Variants in MYO9A observed in about 807,000 individuals in gnomAD.
The protein encoded by MYO9A is unconventional myosin-IXa.
In MYO9A, 103 loss-of-function variants were observed where a neutral mutation model predicts 293.3. The observed-to-expected ratio is 0.35, with a 90% CI of 0.30 to 0.41. The LOEUF (loss-of-function observed/expected upper bound fraction) is 0.41. Among genes scored for constraint, MYO9A ranks in the 10% least tolerant of loss-of-function variants. The pLI, the probability that MYO9A is intolerant of heterozygous loss-of-function variation, is 1.00. For missense variants in MYO9A, 2,685 were observed against 3,033.0 expected, an observed-to-expected ratio of 0.89 and a Z score of 2.69; for synonymous variants, 1,001 against 1,035.7, an observed-to-expected ratio of 0.97 and a Z score of 0.64.
At chr15:72,028,845 TG>T in intron 3 of MYO9A, among the ~76,000 whole-genome samples, 1 of 152,202 alleles carries the variant, frequency 6.6e-6, no homozygotes. Context: ...TATTATATAA[TG>T]ATTTACTCTA....
chr15:72,116,717 C>T (rs960238648), intron 1 of MYO9A: 9 of 152,042 alleles, frequency 5.9e-5, no homozygotes, highest in Non-Finnish European at 1.0e-4. Flanking sequence ...TGAAGTAATA[C>T]TACAAGACGA....
At chr15:71,882,307 A>G (rs891496822) in intron 28 of MYO9A, among the ~76,000 whole-genome samples, 1 of 152,220 alleles carries the variant, frequency 6.6e-6, no homozygotes, top group Admixed American at 6.5e-5. Flanking sequence ...TAGTAGCTAA[A>G]AACTCTCAGG....
chr15:71,906,653 T>TAA (rs2057650798), intron 19 of MYO9A, among the ~76,000 whole-genome samples: 3 of 152,002 alleles, frequency 2.0e-5, no homozygotes, highest in Admixed American at 6.6e-5. Flanking sequence ...TGGTTTATTT[T>TAA]TTTTCATTTT....
chr15:72,055,553 C>T (rs916026495), intron 1 of MYO9A, among the ~76,000 whole-genome samples: 6 of 152,056 alleles, frequency 3.9e-5, no homozygotes, highest in African/African-American at 1.4e-4. Context: ...AGAAAATCTT[C>T]ACAATGTGTA....
chr15:72,109,562 C>T (rs2043011664), intron 1 of MYO9A, among the ~76,000 whole-genome samples: 1 of 151,938 alleles, frequency 6.6e-6, no homozygotes, highest in Non-Finnish European at 1.5e-5. Flanking sequence ...AGAAAGAGAA[C>T]TAAAAGAAAA....
intron 15 of MYO9A, among the ~76,000 whole-genome samples, chr15:71,945,830 A>G (rs2058902582): frequency 6.6e-6 from 1 of 152,186 alleles, no homozygotes; most frequent in South Asian, 2.1e-4. Context: ...AAAGTATTCA[A>G]TCTTTCACTA....
chr15:71,876,148 ATTT>A (rs398039451), intron 31 of MYO9A, among the ~76,000 whole-genome samples: 2 of 144,210 alleles, frequency 1.4e-5, no homozygotes, highest in African/African-American at 2.5e-5. Context: ...TCATTAATTG[ATTT>A]TTTTTTTTTT....
intron 35 of MYO9A, among the ~76,000 whole-genome samples, chr15:71,853,258 G>A (rs1163297055): frequency 1.3e-5 from 2 of 152,186 alleles, no homozygotes; most frequent in South Asian, 2.1e-4. Flanking sequence ...ATGAAAAAAC[G>A]CATACAGGAC....
At chr15:72,091,643 GC>G (rs1262802848) in intron 1 of MYO9A, among the ~76,000 whole-genome samples, 2 of 151,794 alleles carry the variant, frequency 1.3e-5, no homozygotes, top group African/African-American at 4.8e-5. Context: ...CAATAACATG[GC>G]CAATTACACA....
chr15:72,014,731 G>A (rs1264657708), intron 6 of MYO9A, among the ~76,000 whole-genome samples: 2 of 139,358 alleles, frequency 1.4e-5, no homozygotes, highest in East Asian at 4.0e-4. Flanking sequence ...GAAGAGAAGA[G>A]AGAGAGAGAG....
At chr15:72,008,457 G>A (rs2077079132) in intron 7 of MYO9A, among the ~76,000 whole-genome samples, 1 of 150,608 alleles carries the variant, frequency 6.6e-6, no homozygotes, top group Admixed American at 6.6e-5. Context: ...GTGTGTGTGT[G>A]TGTGTGTGTG....
Position 72,100,870 on chromosome 15 carries a change from G to T in MYO9A, c.-72+16810C>A, listed in dbSNP as rs531949580. On this transcript the variant is annotated intron_variant, in intron 1 of 41. Transcript: ENST00000356056. ...CAGCCGCCCCGTCCGGGAGGGAGGTGGGGGGGGTCAGCCCCCCGCCGGCCA... is the reference window on the plus strand; with the variant it reads ...CAGCCGCCCCGTCCGGGAGGGAGGTTGGGGGGGTCAGCCCCCCGCCGGCCA... Among the ~76,000 whole-genome samples, 508 of 133,478 alleles carry T rather than the reference G, an allele frequency of 3.8e-3. 3 individuals are homozygous for T. Among genetic ancestry groups the T allele is most frequent in the South Asian group, 0.013 (53 of 3,998 alleles). 87.6% of individuals were successfully genotyped at this position (133,478 alleles called of 152,430 possible). A position where few individuals can be genotyped will look rare whatever the true frequency, so the allele number is the denominator to read the frequency against.
intron 37 of MYO9A, among the ~76,000 whole-genome samples, chr15:71,850,745 G>A (rs1273386488): frequency 2.7e-5 from 3 of 112,696 alleles, no homozygotes; most frequent in African/African-American, 9.9e-5. Flanking sequence ...CGGCCTGGGT[G>A]ACAGACTGAA....
intron 1 of MYO9A, among the ~76,000 whole-genome samples, chr15:72,105,603 G>A (rs1000644454): frequency 1.3e-4 from 19 of 150,364 alleles, no homozygotes; most frequent in African/African-American, 4.4e-4. Flanking sequence ...CGCCTCCCAG[G>A]TTGAAGCGAT....
At chr15:72,044,403 CAA>C (rs111300290) in intron 2 of MYO9A, among the ~76,000 whole-genome samples, 19 of 101,526 alleles carry the variant, frequency 1.9e-4, no homozygotes, top group Admixed American at 3.1e-4. Context: ...AAAATTGTCT[CAA>C]AAAAAAAAAA....
chr15:71,905,823 A>G (rs1259372089), intron 19 of MYO9A, among the ~76,000 whole-genome samples: 2 of 147,548 alleles, frequency 1.4e-5, no homozygotes, highest in African/African-American at 4.9e-5. Flanking sequence ...TTTTGGTGTC[A>G]GTGTTTTGTC....
chr15:72,011,389 C>A lies in MYO9A; in HGVS notation c.1156-942G>T, dbSNP rs567022692. 4.6e-5 allele frequency among the ~76,000 whole-genome samples: 7 copies of A among 151,428 alleles called. No individual in the cohort carries two copies. In the South Asian group the frequency reaches 1.5e-3, roughly 31 times the overall value. On this transcript the variant is annotated intron_variant, in intron 6 of 41. Transcript: ENST00000356056. ...ATGTAATTATTTCCTAATGAAATAA[C>A]AGACAACATGGTAATCAAACAAGGA... is the stretch of plus-strand genomic sequence containing the variant.
intron 26 of MYO9A, chr15:71,892,245 T>C (rs930787649): frequency 1.3e-5 from 2 of 152,254 alleles, no homozygotes; most frequent in African/African-American, 2.4e-5. Context: ...ACAACACCAA[T>C]GTTATATTGT....
chr15:71,831,625 T>C (rs1308128149), intron 39 of MYO9A, among the ~76,000 whole-genome samples: 1 of 152,102 alleles, frequency 6.6e-6, no homozygotes, highest in Non-Finnish European at 1.5e-5. Flanking sequence ...TCCCTAAAAA[T>C]GAATTAATCT....
Sources: gnomAD v4.1 joint callset for allele counts (sites outside exome capture counted in the v4.1 genomes callset) on GRCh38, gnomAD v4.1.1 for gene constraint, MANE v1.5 for transcripts, NCBI Gene and HGNC (gene_info 2026-07-23, HGNC 2026-07-21) for gene names.